ADRA1B: variants seen among roughly 807,000 people sequenced by gnomAD.
ADRA1B encodes adrenoceptor alpha 1B.
ADRA1B carries 17 observed loss-of-function variants against 17.9 expected under a neutral mutation model. The observed-to-expected ratio is 0.95, with a 90% CI of 0.65 to 1.42. The LOEUF is 1.42. ADRA1B is among the 40% of genes most tolerant of loss of function. The pLI is 0.00. For missense variants in ADRA1B, 681 were observed against 722.1 expected (o/e 0.94, Z 0.65); for synonymous variants, 366 against 327.6 (o/e 1.12, Z -1.27).
chr5:159,897,883 T>A (rs1001040595), intron 1 of ADRA1B, among the ~76,000 whole-genome samples: 3 of 152,206 alleles, frequency 2.0e-5, no homozygotes, highest in Non-Finnish European at 4.4e-5. Context: ...AAAGGCCCGA[T>A]GGCAGAGTAA....
intron 1 of ADRA1B, among the ~76,000 whole-genome samples, chr5:159,928,597 A>C (rs1420396909): frequency 1.3e-5 from 2 of 152,138 alleles, no homozygotes. Context: ...GCTCCCCGCT[A>C]AGCTTTCTCT....
At chr5:159,899,040 G>C (rs2113115930) in intron 1 of ADRA1B, among the ~76,000 whole-genome samples, 1 of 152,092 alleles carries the variant, frequency 6.6e-6, no homozygotes, top group Admixed American at 6.6e-5. Flanking sequence ...CCAGCTACGT[G>C]GGAGGCTGAA....
At chr5:159,883,515 C>T (rs982729575) in intron 1 of ADRA1B, among the ~76,000 whole-genome samples, 1 of 152,204 alleles carries the variant, frequency 6.6e-6, no homozygotes, top group South Asian at 2.1e-4. Flanking sequence ...GAAATTTAGC[C>T]TAGAGCAACA....
chr5:159,977,128 A>G (rs112614523), downstream of ADRA1B, among the ~76,000 whole-genome samples: 200 of 152,304 alleles, frequency 1.3e-3, 1 homozygote, highest in Admixed American at 2.0e-3. Flanking sequence ...AATAAAAGCT[A>G]AAGAAAAATG....
chr5:159,927,525 G>T (rs114294707), intron 1 of ADRA1B, among the ~76,000 whole-genome samples: 2 of 151,874 alleles, frequency 1.3e-5, no homozygotes, highest in African/African-American at 4.8e-5. Context: ...AAAAATACAG[G>T]TGCCCCAGCT....
At chr5:159,896,436 A>G (rs753639332) in intron 1 of ADRA1B, among the ~76,000 whole-genome samples, 62 of 152,180 alleles carry the variant, frequency 4.1e-4, no homozygotes, top group Non-Finnish European at 4.3e-4. Context: ...TCTTGTGTCA[A>G]TTCTCCTGAG....
chr5:159,969,533 G>A (rs1308113507), intron 1 of ADRA1B, among the ~76,000 whole-genome samples: 2 of 152,196 alleles, frequency 1.3e-5, no homozygotes, highest in African/African-American at 2.4e-5. Flanking sequence ...CTAGGTCTTG[G>A]TGTCTCCACC....
intron 1 of ADRA1B, among the ~76,000 whole-genome samples, chr5:159,875,390 C>G (rs1242169246): frequency 6.6e-6 from 1 of 152,082 alleles, no homozygotes; most frequent in Non-Finnish European, 1.5e-5. Context: ...TGAAATAAGT[C>G]ACCGACAGCC....
chr5:159,880,757 C>T (rs1377023234), intron 1 of ADRA1B, among the ~76,000 whole-genome samples: 1 of 152,320 alleles, frequency 6.6e-6, no homozygotes, highest in East Asian at 1.9e-4. Context: ...ATTCCTCCTC[C>T]TTATCACTGT....
Position 159,890,796 on chromosome 5 carries a change from A to G in ADRA1B, c.-255-25323A>G, listed in dbSNP as rs187397465. 1.2e-3 allele frequency among the ~76,000 whole-genome samples: 183 copies of G among 152,338 alleles called. 1 individual carries two copies. Among genetic ancestry groups the G allele is most frequent in the African/African-American group, 4.2e-3 (176 of 41,582 alleles). On this transcript the variant is annotated intron_variant, in intron 1 of 2. Transcript: ENST00000641205. ...CAAGGCAGCTACAGAGACTTGCCCCATTTCAAGGGAAGGGAACAGAAACAA... is the reference window on the plus strand; with the variant it reads ...CAAGGCAGCTACAGAGACTTGCCCCGTTTCAAGGGAAGGGAACAGAAACAA...
Position 159,942,218 on chromosome 5 carries a change from G to A in ADRA1B, c.949+24364G>A, listed in dbSNP as rs182544493. Among the ~76,000 whole-genome samples the A allele has an allele frequency of 3.3e-3, 497 of 152,170 alleles. 2 individuals carry two copies. Among genetic ancestry groups the A allele is most frequent in the African/African-American group, 0.012 (478 of 41,526 alleles). ...ATTACAGGCGTGAGCCGCCATGGCCGGCCGGGTACTGGGTTTTTTTAGGGG... is the reference window on the plus strand; with the variant it reads ...ATTACAGGCGTGAGCCGCCATGGCCAGCCGGGTACTGGGTTTTTTTAGGGG... On this transcript the variant is annotated intron_variant, in intron 1 of 1. Coordinates refer to ENST00000306675, the MANE Select transcript of ADRA1B (RefSeq NM_000679.4).
intron 1 of ADRA1B, among the ~76,000 whole-genome samples, chr5:159,936,022 A>C (rs551976439): frequency 6.6e-6 from 1 of 152,366 alleles, no homozygotes; most frequent in East Asian, 1.9e-4. Flanking sequence ...AAAATAAACA[A>C]ATAACAGCTA....
At chr5:159,962,386 TGGTGCTGCCATCCGTCTG>T (rs974626906) in intron 1 of ADRA1B, among the ~76,000 whole-genome samples, 4 of 132,770 alleles carry the variant, frequency 3.0e-5, no homozygotes, top group Non-Finnish European at 5.0e-5. Context: ...TCTGTCTGAG[TGGTGCTGCCATCCGTCTG>T]ATTTCATTTC....
At chr5:159,986,439 C>A in the ADRA1B span, among the ~76,000 whole-genome samples, 1 of 152,176 alleles carries the variant, frequency 6.6e-6, no homozygotes, top group African/African-American at 2.4e-5. Flanking sequence ...CTAATTTGCA[C>A]CCTCTGACTT....
chr5:159,917,016 G>T lies in ADRA1B; in HGVS notation c.111G>T (p.Leu37=), dbSNP rs1754332084. 1.2e-6 allele frequency: 2 copies of T among 1,614,122 alleles called. No homozygotes were observed. The highest frequency in any genetic ancestry group is 4.5e-5 in the East Asian group (2 of 44,872). The change falls in exon 1 of 2, where the codon CTG becomes CTT. Residue 37 remains leucine, a synonymous_variant. Transcript: ENST00000306675. Reference sequence around the variant, plus strand: ...ACCAGACCTCGAGCAACTCCACACTGCCCCAGCTGGACATCACCAGGGCCA... The same window carrying T: ...ACCAGACCTCGAGCAACTCCACACTTCCCCAGCTGGACATCACCAGGGCCA... ...GPNQTSSNST[L]PQLDITRAIS... is the part of the protein sequence containing the mutation.
In ADRA1B at chr5:159,899,493, A is replaced by G. The variant is rs560021912; in HGVS notation, c.-255-16626A>G. Among the ~76,000 whole-genome samples the G allele has an allele frequency of 1.1e-4, 16 of 152,312 alleles. No individual in the cohort carries two copies. The South Asian group carries it at 2.5e-3, about 24-fold the overall frequency. On this transcript the variant is annotated intron_variant, in intron 1 of 2. Transcript: ENST00000641205. ...GGAGAAAGAAGCTTCACCGCATGTC[A>G]TAAGTATTTATCATCCTTGCTGAAG... is the stretch of plus-strand genomic sequence containing the variant.
intron 1 of ADRA1B, among the ~76,000 whole-genome samples, chr5:159,939,317 GTGTGT>G: frequency 7.2e-6 from 1 of 138,514 alleles, no homozygotes; most frequent in Non-Finnish European, 1.6e-5. Context: ...GTGTGTGTGT[GTGTGT>G]GCGCGCGCGC....
intron 1 of ADRA1B, among the ~76,000 whole-genome samples, chr5:159,904,434 A>C (rs569753843): frequency 6.6e-6 from 1 of 152,368 alleles, no homozygotes; most frequent in Admixed American, 6.5e-5. Context: ...AGTTGTTCCC[A>C]AAAAGAAATT....
rs150394007 is a variant in ADRA1B, at chr5:159,917,578, C to G, written c.673C>G (p.Arg225Gly). Residue 225 changes from arginine (R) to glycine (G), a missense_variant, in exon 1 of 2, where the codon CGT becomes GGT. Arg to Gly is a moderately radical substitution (Grantham distance 125, BLOSUM62 -2). This residue lies in a region of ADRA1B where 424 missense variants were observed against 480.2 expected (regional missense o/e 0.88). Coordinates refer to ENST00000306675, the MANE Select transcript of ADRA1B (RefSeq NM_000679.4). ...GGCGGTCATTCTAGTCATGTACTGC[C>G]GTGTCTATATAGTGGCCAAGAGAAC... ...PLAVILVMYC[R>G]VYIVAKRTTK... The G allele has an allele frequency of 4.3e-6, 7 of 1,613,856 alleles. No homozygotes were observed. In the African/African-American group the frequency reaches 9.4e-5, roughly 22 times the overall value.
Sources: gnomAD v4.1 joint callset for allele counts (sites outside exome capture counted in the v4.1 genomes callset) on GRCh38, gnomAD v4.1.1 for gene constraint, gnomAD v4.1.1 regional missense constraint, MANE v1.5 for transcripts, NCBI Gene and HGNC (gene_info 2026-07-23, HGNC 2026-07-21) for gene names.